Variants in FSTL5 observed in about 807,000 individuals in gnomAD.
FSTL5 encodes follistatin-related protein 5.
FSTL5 carries 62 observed loss-of-function variants against 89.1 expected under a neutral mutation model. That is an observed-to-expected ratio of 0.70 (90% CI 0.57 to 0.86). FSTL5 has a LOEUF of 0.86. Among genes scored for constraint, FSTL5 ranks in the 40% least tolerant of loss-of-function variants. The pLI, the probability that FSTL5 is intolerant of heterozygous loss-of-function variation, is 0.00. For missense variants in FSTL5, 1,057 were observed against 1,001.6 expected (o/e 1.06, Z -0.75); for synonymous variants, 383 against 346.2 (o/e 1.11, Z -1.18).
intron 10 of FSTL5, among the ~76,000 whole-genome samples, chr4:161,522,744 T>C (rs1484407957): frequency 6.6e-6 from 1 of 151,684 alleles, no homozygotes; most frequent in East Asian, 1.9e-4. Context: ...AAATAATACC[T>C]AGATACAAGA....
intron 6 of FSTL5, among the ~76,000 whole-genome samples, chr4:161,688,018 C>A (rs562150159): frequency 6.6e-6 from 1 of 152,180 alleles, no homozygotes. Context: ...TCTTTTGCAG[C>A]GTCCTAAACT....
intron 13 of FSTL5, among the ~76,000 whole-genome samples, chr4:161,470,588 A>G (rs1483694714): frequency 2.6e-5 from 4 of 151,796 alleles, no homozygotes; most frequent in African/African-American, 9.7e-5. Flanking sequence ...TTAAGATTCC[A>G]TATGAATTTT....
At chr4:162,036,928 A>G (rs1397519431) in intron 2 of FSTL5, among the ~76,000 whole-genome samples, 1 of 151,950 alleles carries the variant, frequency 6.6e-6, no homozygotes, top group East Asian at 1.9e-4. Flanking sequence ...AGTGGGAAAA[A>G]TTACATGATG....
intron 6 of FSTL5, among the ~76,000 whole-genome samples, chr4:161,752,227 A>G (rs553959375): frequency 0.034 from 1,024 of 30,322 alleles, 17 homozygotes; most frequent in African/African-American, 0.12. Flanking sequence ...ATAGATGGAC[A>G]GATAGATAGA....
intron 15 of FSTL5, among the ~76,000 whole-genome samples, chr4:161,412,982 T>C (rs1458510672): frequency 6.6e-6 from 1 of 151,802 alleles, no homozygotes; most frequent in East Asian, 1.9e-4. Context: ...ACAACCTAAC[T>C]CTTCTCAACA....
chr4:162,082,787 A>G (rs1283314601), intron 2 of FSTL5, among the ~76,000 whole-genome samples: 1 of 150,842 alleles, frequency 6.6e-6, no homozygotes, highest in Non-Finnish European at 1.5e-5. Context: ...ACCCACAGAT[A>G]CTTAAGCAAG....
chr4:161,859,320 T>C (rs973051070), intron 4 of FSTL5, among the ~76,000 whole-genome samples: 1 of 152,226 alleles, frequency 6.6e-6, no homozygotes, highest in Non-Finnish European at 1.5e-5. Flanking sequence ...TGATCTTTTC[T>C]ATTAGGTTCA....
At chr4:161,480,988 T>C in intron 13 of FSTL5, 32 bp downstream of exon 13, 1 of 1,466,392 alleles carries the variant, frequency 6.8e-7, no homozygotes, top group South Asian at 1.2e-5. Flanking sequence ...TTTTTAAAGA[T>C]TTACTTTTTA....
chr4:161,514,387 G>A (rs1452160527), intron 10 of FSTL5, among the ~76,000 whole-genome samples: 1 of 152,002 alleles, frequency 6.6e-6, no homozygotes, highest in Non-Finnish European at 1.5e-5. Flanking sequence ...TTCAAATATT[G>A]AACGTTCTCA....
intron 4 of FSTL5, among the ~76,000 whole-genome samples, chr4:161,885,886 T>A (rs895295800): frequency 1.9e-4 from 29 of 152,116 alleles, no homozygotes; most frequent in African/African-American, 6.8e-4. Context: ...GATAGACAAC[T>A]GGCAAAACTG....
intron 4 of FSTL5, among the ~76,000 whole-genome samples, chr4:161,912,160 GA>G (rs1560912404): frequency 6.6e-6 from 1 of 152,070 alleles, no homozygotes; most frequent in African/African-American, 2.4e-5. Flanking sequence ...TAGAAATATA[GA>G]AGAAAAATCA....
rs1057078247 is a variant in FSTL5 at position 161,635,733 on chromosome 4, T to C, written c.894+20595A>G. ...ATTCATTACGTCTAGACAAAAGTTG[T>C]AACAAAATATTGCAATTTCTCCACT... On this transcript the variant is annotated intron_variant, in intron 7 of 15. Transcript: ENST00000306100. Among the ~76,000 whole-genome samples, 3 of 152,154 alleles carry C rather than the reference T, an allele frequency of 2.0e-5. No homozygotes were observed. The East Asian group carries it at 5.8e-4, about 29-fold the overall frequency.
At chr4:161,909,258 T>C (rs1385487379) in intron 4 of FSTL5, among the ~76,000 whole-genome samples, 1 of 152,128 alleles carries the variant, frequency 6.6e-6, no homozygotes. Context: ...GTCTCTACAA[T>C]AAAGCGGACA....
chr4:161,768,374 T>C (rs1741090566), intron 5 of FSTL5, among the ~76,000 whole-genome samples: 1 of 152,230 alleles, frequency 6.6e-6, no homozygotes, highest in East Asian at 1.9e-4. Context: ...TATTTGGTTA[T>C]ACAAATTTAG....
chr4:161,444,007 T>C (rs1732863523), intron 15 of FSTL5, among the ~76,000 whole-genome samples: 1 of 152,006 alleles, frequency 6.6e-6, no homozygotes, highest in African/African-American at 2.4e-5. Context: ...ATATTATTTA[T>C]ATAGCACTGT....
rs547383672 is a variant in FSTL5, at chr4:161,747,056, T to C, written c.727+12355A>G. ...TTCCATTGCCCCTTGAGATACTATATTGTAATTGCCTTTTACTGTTTAATT... is the reference window on the plus strand; with the variant it reads ...TTCCATTGCCCCTTGAGATACTATACTGTAATTGCCTTTTACTGTTTAATT... On this transcript the variant is annotated intron_variant, in intron 6 of 15. Transcript: ENST00000306100. Among the ~76,000 whole-genome samples the C allele has an allele frequency of 7.2e-5, 11 of 152,318 alleles. No individual in the cohort carries two copies. In the East Asian group the frequency reaches 2.1e-3, roughly 29 times the overall value.
Position 161,386,442 on chromosome 4 carries a change from A to T in FSTL5, c.1849T>A (p.Phe617Ile). The T allele has an allele frequency of 1.3e-6, 2 of 1,597,076 alleles. No individual in the cohort carries two copies. Among genetic ancestry groups the T allele is most frequent in the Non-Finnish European group, 1.7e-6 (2 of 1,172,044 alleles). ...TLIITHMRFG[F>I]ILHKDEAALQ... ...GCAGCTTCATCTTTATGAAGAATAAATCCAAACCTGAAAAAAATGAAAATC... is the reference window on the plus strand; with the variant it reads ...GCAGCTTCATCTTTATGAAGAATAATTCCAAACCTGAAAAAAATGAAAATC... Residue 617 changes from phenylalanine to isoleucine, a missense_variant, in exon 16 of 16, where the codon TTT becomes ATT. This residue lies in a region of FSTL5 where 980 missense variants were observed against 903.2 expected (regional missense o/e 1.08). Transcript: ENST00000306100.
At chr4:161,597,578 T>A (rs1258919908) in intron 7 of FSTL5, among the ~76,000 whole-genome samples, 2 of 151,714 alleles carry the variant, frequency 1.3e-5, no homozygotes, top group Non-Finnish European at 1.5e-5. Flanking sequence ...TGTATACATA[T>A]GTGACAAACC....
intron 15 of FSTL5, among the ~76,000 whole-genome samples, chr4:161,433,262 T>C (rs1175370301): frequency 6.6e-6 from 1 of 151,948 alleles, no homozygotes; most frequent in Non-Finnish European, 1.5e-5. Flanking sequence ...AATATGTAAA[T>C]CAATCACTGT....
Sources: gnomAD v4.1 joint callset for allele counts (sites outside exome capture counted in the v4.1 genomes callset) on GRCh38, gnomAD v4.1.1 for gene constraint, gnomAD v4.1.1 regional missense constraint, MANE v1.5 for transcripts, NCBI Gene and HGNC (gene_info 2026-07-23, HGNC 2026-07-21) for gene names.